CLTCL1: variants seen among roughly 807,000 people sequenced by gnomAD.
CLTCL1 encodes clathrin heavy chain 2.
Under a neutral mutation model 190.0 loss-of-function variants are expected in CLTCL1, and 159 were observed. The ratio of observed to expected loss-of-function variants is 0.84; its 90% CI spans 0.74 to 0.95. The LOEUF (loss-of-function observed/expected upper bound fraction) is 0.95, where lower values mean the gene tolerates loss of function less well. CLTCL1 is among the 40% of genes least tolerant of loss of function. The pLI, the probability that CLTCL1 is intolerant of heterozygous loss-of-function variation, is 0.00. For synonymous variants in CLTCL1, 752 were observed against 769.6 expected (o/e 0.98, Z 0.38); for missense variants, 1,878 against 2,033.4 (o/e 0.92, Z 1.47).
chr22:19,224,540 G>C (rs1157286240), intron 13 of CLTCL1, among the ~76,000 whole-genome samples: 1 of 152,296 alleles, frequency 6.6e-6, no homozygotes, highest in South Asian at 2.1e-4. Context: ...GGCTAATGAT[G>C]TTCCTCATCA....
chr22:19,246,282 G>A (rs1555967936), intron 3 of CLTCL1, among the ~76,000 whole-genome samples: 5 of 151,754 alleles, frequency 3.3e-5, no homozygotes, highest in Non-Finnish European at 7.4e-5. Context: ...GGATGGTCTT[G>A]ATCTCCTGAC....
chr22:19,257,881 G>C (rs539009885), intron 2 of CLTCL1: 1 of 1,393,344 alleles, frequency 7.2e-7, no homozygotes, highest in Non-Finnish European at 9.5e-7. Flanking sequence ...GAGAAGAAGA[G>C]ACCCCAGGTC....
intron 2 of CLTCL1, among the ~76,000 whole-genome samples, chr22:19,256,559 T>C (rs1340556619): frequency 6.6e-6 from 1 of 151,982 alleles, no homozygotes; most frequent in Non-Finnish European, 1.5e-5. Context: ...GGTTTCACCA[T>C]GTTGGCCACG....
At chr22:19,194,304 A>C (rs1369821633) in intron 26 of CLTCL1, among the ~76,000 whole-genome samples, 1 of 152,038 alleles carries the variant, frequency 6.6e-6, no homozygotes, top group Admixed American at 6.5e-5. Flanking sequence ...CAACATGGTA[A>C]AACCCTGTAT....
chr22:19,230,465 T>C (rs1448150100), intron 10 of CLTCL1, among the ~76,000 whole-genome samples: 5 of 152,150 alleles, frequency 3.3e-5, no homozygotes, highest in East Asian at 1.9e-4. Context: ...CATGTGCCTA[T>C]AGTCCCAGCT....
Position 19,211,310 on chromosome 22 carries a change from C to A in CLTCL1, c.3066-801G>T, listed in dbSNP as rs797026134. Among the ~76,000 whole-genome samples, 8 of 152,280 alleles carry A rather than the reference C, an allele frequency of 5.3e-5. 1 individual carries two copies. Among genetic ancestry groups the A allele is most frequent in the African/African-American group, 1.9e-4 (8 of 41,564 alleles). On this transcript the variant is annotated intron_variant, in intron 19 of 32. Transcript: ENST00000427926. ...AGCCCACTGTTAACATCATAAGTAA[C>A]AGAGTCTGGACACTTTCCCCGAGGA...
intron 17 of CLTCL1, among the ~76,000 whole-genome samples, chr22:19,220,607 C>T (rs1189399260): frequency 1.3e-5 from 2 of 152,216 alleles, no homozygotes; most frequent in Non-Finnish European, 2.9e-5. Context: ...GCAGCACTTG[C>T]TAAATCCTGG....
At chr22:19,237,954 CAAAAGAGTA>C (rs1262518243) in intron 5 of CLTCL1, among the ~76,000 whole-genome samples, 2 of 151,972 alleles carry the variant, frequency 1.3e-5, no homozygotes, top group Admixed American at 6.6e-5. Flanking sequence ...TTTATGAGAA[CAAAAGAGTA>C]AAAAGGAGAG....
At position 19,201,405 on chromosome 22, in the gene CLTCL1, G is replaced by C. The variant is rs782064048; in HGVS notation, c.3689C>G (p.Thr1230Ser). ...CTGATACTCACCGAGGTGAACCAAG[G>C]TGGAAGCCAGGCGGGCAAAGTTAGA... ...NVSNFARLAS[T>S]LVHLGEYQAA... The change falls in exon 23 of 33, where the codon ACC (threonine) becomes AGC (serine). Residue 1230 changes from threonine to serine, a missense_variant. Physicochemically the swap from Thr to Ser is moderately conservative, Grantham distance 58. Coordinates refer to ENST00000427926, the MANE Select transcript of CLTCL1 (RefSeq NM_007098.4). 1 of 1,613,898 alleles carries C rather than the reference G, an allele frequency of 6.2e-7. No homozygotes were observed. The highest frequency in any genetic ancestry group is 8.5e-7 in the Non-Finnish European group (1 of 1,179,852).
Position 19,226,285 on chromosome 22 carries a change from C to T in CLTCL1, c.1881G>A (p.Leu627=), listed in dbSNP as rs2085743065. 8.1e-6 allele frequency: 13 copies of T among 1,614,016 alleles called. No homozygotes were observed. Among genetic ancestry groups the T allele is most frequent in the East Asian group, 2.2e-5 (1 of 44,890 alleles). ...CEKAGLLQQA[L]EHYTDLYDIK... is the part of the protein sequence containing the mutation. The stretch of plus-strand genomic sequence containing the variant: ...TGTCATAGAGGTCGGTGTAGTGCTC[C>T]AGTGCTTGCTGCAGGAGGCCTGCCT... Residue 627 remains leucine (L), a synonymous_variant, in exon 12 of 33, where the codon CTG becomes CTA. Transcript: ENST00000427926.
chr22:19,212,581 GAAA>G (rs781977884), intron 19 of CLTCL1, among the ~76,000 whole-genome samples: 1 of 115,278 alleles, frequency 8.7e-6, no homozygotes, highest in African/African-American at 3.2e-5. Context: ...AAGAAAGAAA[GAAA>G]GAGAAAGAAA....
chr22:19,197,801 G>C (rs951900107), intron 24 of CLTCL1, among the ~76,000 whole-genome samples: 1 of 152,096 alleles, frequency 6.6e-6, no homozygotes, highest in East Asian at 1.9e-4. Context: ...CACTCTCTGG[G>C]TTTTCTTCCC....
chr22:19,272,596 G>A (rs797027338), intron 2 of CLTCL1, among the ~76,000 whole-genome samples: 11 of 152,080 alleles, frequency 7.2e-5, no homozygotes, highest in South Asian at 4.2e-4. Flanking sequence ...TCAGCCTCCC[G>A]AGTAACTGAG....
chr22:19,258,588 C>T (rs1555973955), intron 2 of CLTCL1: 20 of 611,000 alleles, frequency 3.3e-5, no homozygotes, highest in Non-Finnish European at 1.5e-5. Context: ...AGAGGGACAG[C>T]GCCAGGCCCA....
intron 27 of CLTCL1, among the ~76,000 whole-genome samples, chr22:19,188,932 T>C (rs1025687610): frequency 3.3e-5 from 5 of 151,656 alleles, no homozygotes; most frequent in African/African-American, 1.2e-4. Context: ...TCTTTCCTTC[T>C]TTTTTTTGGG....
At chr22:19,214,284 C>A (rs2085319802) in intron 19 of CLTCL1, among the ~76,000 whole-genome samples, 1 of 152,166 alleles carries the variant, frequency 6.6e-6, no homozygotes, top group African/African-American at 2.4e-5. Context: ...GGGGTTCCTG[C>A]TGCTCTGGCA....
At chr22:19,192,273 G>A (rs5992379) in intron 26 of CLTCL1, among the ~76,000 whole-genome samples, 15,344 of 151,990 alleles carry the variant, frequency 0.1, 1,207 homozygotes, top group African/African-American at 0.21. Flanking sequence ...CACCGTGTTA[G>A]CCAGGATGGT....
chr22:19,258,282 T>C, intron 2 of CLTCL1: 1 of 360,706 alleles, frequency 2.8e-6, no homozygotes, highest in Non-Finnish European at 5.4e-6. Flanking sequence ...CTGGGCCCAA[T>C]ATGACAAGCT....
At chr22:19,210,217 C>T (rs2085174969) in intron 20 of CLTCL1, 109 bp downstream of exon 20, 7 of 1,061,004 alleles carry the variant, frequency 6.6e-6, no homozygotes, top group Non-Finnish European at 8.2e-6. Context: ...AAGAGATGCA[C>T]TGGACAACCA....
Sources: gnomAD v4.1 joint callset for allele counts (sites outside exome capture counted in the v4.1 genomes callset) on GRCh38, gnomAD v4.1.1 for gene constraint, MANE v1.5 for transcripts, NCBI Gene and HGNC (gene_info 2026-07-23, HGNC 2026-07-21) for gene names.